KLF12: variants seen among roughly 807,000 people sequenced by gnomAD.
The protein encoded by KLF12 is Krueppel-like factor 12.
KLF12 carries 9 observed loss-of-function variants against 37.8 expected under a neutral mutation model. That is an observed-to-expected ratio of 0.24 (90% CI 0.14 to 0.42). KLF12 has a LOEUF of 0.42. Among genes scored for constraint, KLF12 ranks in the 10% least tolerant of loss-of-function variants. The probability of loss-of-function intolerance (pLI) is 1.00; values close to 1 mark genes in which losing one functional copy is unlikely to be tolerated. For synonymous variants in KLF12, 208 were observed against 202.1 expected (o/e 1.03, Z -0.25); for missense variants, 411 against 516.0 (o/e 0.80, Z 1.97).
chr13:74,186,269 A>AT, the KLF12 span, among the ~76,000 whole-genome samples: 1 of 152,104 alleles, frequency 6.6e-6, no homozygotes, highest in East Asian at 1.9e-4. Flanking sequence ...GTGTATTCTC[A>AT]TTTTAGCTTA....
intron 7 of KLF12, among the ~76,000 whole-genome samples, chr13:73,708,257 A>G (rs118112690): frequency 2.0e-5 from 3 of 152,328 alleles, no homozygotes; most frequent in East Asian, 3.9e-4. Flanking sequence ...CTTTCATATG[A>G]ATTAAAATGA....
the KLF12 span, among the ~76,000 whole-genome samples, chr13:74,175,819 C>T: frequency 2.3e-4 from 35 of 152,320 alleles, no homozygotes; most frequent in Admixed American, 1.2e-3. Flanking sequence ...CTTCAAAGCA[C>T]TTGTCCCAGT....
chr13:73,889,011 G>C (rs943226591), intron 3 of KLF12, among the ~76,000 whole-genome samples: 1 of 152,126 alleles, frequency 6.6e-6, no homozygotes, highest in African/African-American at 2.4e-5. Context: ...AAGCTAATGG[G>C]ATTTTACAGA....
intron 1 of KLF12, among the ~76,000 whole-genome samples, chr13:74,060,494 G>GTGTGTGTGTC (rs1555336649): frequency 4.8e-5 from 6 of 126,084 alleles, no homozygotes; most frequent in Non-Finnish European, 8.9e-5. Flanking sequence ...TTGTGTGTGT[G>GTGTGTGTGTC]TGTGTGTGTG....
At chr13:74,283,385 A>G in the KLF12 span, among the ~76,000 whole-genome samples, 2 of 152,372 alleles carry the variant, frequency 1.3e-5, no homozygotes, top group Middle Eastern at 6.8e-3. Flanking sequence ...ATGCTGAGCC[A>G]TAATTTGGAA....
the KLF12 span, among the ~76,000 whole-genome samples, chr13:74,247,313 A>T: frequency 2.0e-5 from 3 of 152,200 alleles, no homozygotes; most frequent in Admixed American, 6.5e-5. Flanking sequence ...TGCAGGGGTG[A>T]CATGGACTAA....
Position 73,936,366 on chromosome 13 carries a change from C to T in KLF12, c.123+7615G>A, listed in dbSNP as rs78408719. Among the ~76,000 whole-genome samples, 1,050 of 152,254 alleles carry T rather than the reference C, an allele frequency of 6.9e-3. 21 individuals carry two copies. Among genetic ancestry groups the T allele is most frequent in the African/African-American group, 0.023 (959 of 41,556 alleles). ...CAGGGCCACTAAGCTGTGACCCTTC[C>T]AAGCCCTCTTCCCAATGCCTCACAT... is the stretch of plus-strand genomic sequence containing the variant. On this transcript the variant is annotated intron_variant, in intron 3 of 7. Transcript: ENST00000377669.
intron 5 of KLF12, among the ~76,000 whole-genome samples, chr13:73,790,096 C>T (rs1881596896): frequency 6.6e-6 from 1 of 152,182 alleles, no homozygotes; most frequent in Non-Finnish European, 1.5e-5. Context: ...ATAATCACCA[C>T]TGAGTACACA....
chr13:74,008,605 T>C (rs1378687537), intron 1 of KLF12, among the ~76,000 whole-genome samples: 2 of 152,274 alleles, frequency 1.3e-5, no homozygotes, highest in African/African-American at 4.8e-5. Context: ...TACCATTAAC[T>C]ACTGTATGTG....
chr13:73,973,785 G>A (rs1291452523), intron 2 of KLF12, among the ~76,000 whole-genome samples: 1 of 152,062 alleles, frequency 6.6e-6, no homozygotes. Context: ...GGAGGAAAAA[G>A]CACTCACTCC....
intron 2 of KLF12, among the ~76,000 whole-genome samples, chr13:73,976,753 T>G (rs1389014814): frequency 4.6e-5 from 7 of 152,192 alleles, no homozygotes; most frequent in Non-Finnish European, 1.0e-4. Flanking sequence ...TTAGGTAAGA[T>G]GCATTACAAG....
upstream of KLF12, among the ~76,000 whole-genome samples, chr13:74,138,100 C>T (rs961541863): frequency 1.3e-5 from 2 of 152,198 alleles, no homozygotes; most frequent in East Asian, 1.9e-4. Context: ...ATACCTCACC[C>T]AGATTTATCT....
chr13:73,698,960 A>AAGT (rs1375124960), intron 7 of KLF12, among the ~76,000 whole-genome samples: 1 of 152,208 alleles, frequency 6.6e-6, no homozygotes, highest in Admixed American at 6.5e-5. Flanking sequence ...ATCTCAAATT[A>AAGT]GGATCCTCGA....
chr13:74,024,609 G>C (rs1234394983), intron 1 of KLF12, among the ~76,000 whole-genome samples: 1 of 152,186 alleles, frequency 6.6e-6, no homozygotes, highest in South Asian at 2.1e-4. Flanking sequence ...AAATTAGTTA[G>C]GCCACTGATA....
At chr13:74,241,838 A>G in the KLF12 span, among the ~76,000 whole-genome samples, 2 of 152,028 alleles carry the variant, frequency 1.3e-5, no homozygotes, top group African/African-American at 4.8e-5. Flanking sequence ...ACCTGCGCCC[A>G]CTGTCTGGCA....
chr13:74,138,209 A>T (rs1261777627), upstream of KLF12, among the ~76,000 whole-genome samples: 1 of 152,228 alleles, frequency 6.6e-6, no homozygotes, highest in South Asian at 2.1e-4. Context: ...GATTTCAAGG[A>T]ATAGGGTAGG....
the KLF12 span, among the ~76,000 whole-genome samples, chr13:74,272,513 A>G: frequency 6.6e-6 from 1 of 152,196 alleles, no homozygotes; most frequent in Admixed American, 6.5e-5. Flanking sequence ...ATATGGCTAC[A>G]CAAGAGGGCC....
chr13:74,150,128 A>AT, the KLF12 span, among the ~76,000 whole-genome samples: 11,003 of 151,630 alleles, frequency 0.073, 469 homozygotes, highest in South Asian at 0.11. Context: ...GTAAGGACTG[A>AT]TTTTTTTTTC....
the KLF12 span, among the ~76,000 whole-genome samples, chr13:74,140,320 C>G: frequency 6.6e-6 from 1 of 151,846 alleles, no homozygotes; most frequent in Non-Finnish European, 1.5e-5. Context: ...GCCATAAGTT[C>G]GAAACCAGCC....
Sources: gnomAD v4.1 joint callset for allele counts (sites outside exome capture counted in the v4.1 genomes callset) on GRCh38, gnomAD v4.1.1 for gene constraint, MANE v1.5 for transcripts, NCBI Gene and HGNC (gene_info 2026-07-23, HGNC 2026-07-21) for gene names.